The following MGMT variants were observed in gnomAD, a reference collection of about 807,000 sequenced individuals.
MGMT encodes the protein methylated-DNA--protein-cysteine methyltransferase.
In MGMT, 14 loss-of-function variants were observed where a neutral mutation model predicts 15.9. The observed-to-expected ratio is 0.88, with a 90% CI of 0.58 to 1.37. MGMT has a LOEUF of 1.37. Ranked by LOEUF, MGMT falls within the 40% of genes most tolerant of loss-of-function variation. The probability of loss-of-function intolerance (pLI) is 0.00; values close to 1 mark genes in which losing one functional copy is unlikely to be tolerated. For missense variants in MGMT, 282 were observed against 268.1 expected, an observed-to-expected ratio of 1.05 and a Z score of -0.36; for synonymous variants, 130 against 118.2, an observed-to-expected ratio of 1.10 and a Z score of -0.65.
At chr10:129,543,797 C>T (rs1846070330) in intron 2 of MGMT, among the ~76,000 whole-genome samples, 1 of 152,184 alleles carries the variant, frequency 6.6e-6, no homozygotes, top group Admixed American at 6.5e-5. Context: ...CAGAAGCAAA[C>T]TTGTTCATTT....
chr10:129,558,917 G>T (rs1005183140), intron 2 of MGMT, among the ~76,000 whole-genome samples: 3 of 152,164 alleles, frequency 2.0e-5, no homozygotes, highest in South Asian at 2.1e-4. Context: ...CGCCGGGCTG[G>T]TCTGTTCTGC....
intron 2 of MGMT, among the ~76,000 whole-genome samples, chr10:129,651,411 GAAA>G (rs562204201): frequency 6.9e-6 from 1 of 145,796 alleles, no homozygotes; most frequent in African/African-American, 2.5e-5. Context: ...TTTTTTTTAA[GAAA>G]AAAAAAAGCA....
intron 2 of MGMT, among the ~76,000 whole-genome samples, chr10:129,540,498 TG>T (rs1194178855): frequency 3.3e-5 from 5 of 152,232 alleles, no homozygotes; most frequent in Non-Finnish European, 7.3e-5. Context: ...CTCCCCATGT[TG>T]GGTTTCAGAG....
intron 2 of MGMT, among the ~76,000 whole-genome samples, chr10:129,633,398 C>T (rs191826267): frequency 7.9e-4 from 121 of 152,272 alleles, no homozygotes; most frequent in African/African-American, 2.7e-3. Flanking sequence ...TGCTAAAGAG[C>T]AGGCACATTA....
chr10:129,606,731 C>T (rs1452516941), intron 2 of MGMT, among the ~76,000 whole-genome samples: 1 of 152,130 alleles, frequency 6.6e-6, no homozygotes, highest in Admixed American at 6.5e-5. Context: ...ACTAATTACA[C>T]AGAATCTTTC....
At chr10:129,649,212 TGAGTTTTTGCAGC>T (rs1326128111) in intron 2 of MGMT, among the ~76,000 whole-genome samples, 4 of 152,186 alleles carry the variant, frequency 2.6e-5, no homozygotes, top group Non-Finnish European at 4.4e-5. Flanking sequence ...GTTATCTGTT[TGAGTTTTTGCAGC>T]CAGGTCATCT....
chr10:129,766,872 T>C lies in MGMT; in HGVS notation c.499T>C (p.Trp167Arg). ...CTCCGGAGGACTGGCCGTGAAGGAATGGCTTCTGGCCCATGAAGGCCACCG... is the reference window on the plus strand; with the variant it reads ...CTCCGGAGGACTGGCCGTGAAGGAACGGCTTCTGGCCCATGAAGGCCACCG... The part of the protein sequence containing the change: ...NYSGGLAVKE[W>R]LLAHEGHRLG... Residue 167 changes from tryptophan to arginine, a missense_variant, in exon 5 of 5, where the codon TGG becomes CGG. Transcript: ENST00000651593. The C allele has an allele frequency of 6.2e-7, 1 of 1,613,702 alleles. No homozygotes were observed.
intron 3 of MGMT, among the ~76,000 whole-genome samples, chr10:129,728,142 G>A (rs1030541794): frequency 6.6e-6 from 1 of 152,204 alleles, no homozygotes; most frequent in African/African-American, 2.4e-5. Flanking sequence ...AGGGGACATG[G>A]AGCCAGCACC....
chr10:129,756,119 C>T (rs576000937), intron 3 of MGMT, among the ~76,000 whole-genome samples: 3 of 152,348 alleles, frequency 2.0e-5, no homozygotes, highest in Non-Finnish European at 2.9e-5. Context: ...ATGCACAATG[C>T]AGGCAGAGGG....
At chr10:129,561,906 G>A (rs928803906) in intron 2 of MGMT, among the ~76,000 whole-genome samples, 27 of 152,174 alleles carry the variant, frequency 1.8e-4, no homozygotes, top group African/African-American at 6.5e-4. Context: ...TACTTCATTA[G>A]CCACGTCGTT....
chr10:129,766,510 C>T (rs995018970), intron 4 of MGMT, among the ~76,000 whole-genome samples: 2 of 152,228 alleles, frequency 1.3e-5, no homozygotes, highest in African/African-American at 2.4e-5. Flanking sequence ...CCTCCCAAAT[C>T]GTGGGCCTAA....
chr10:129,670,696 G>T (rs1847711195), intron 2 of MGMT, among the ~76,000 whole-genome samples: 1 of 152,136 alleles, frequency 6.6e-6, no homozygotes, highest in Admixed American at 6.5e-5. Flanking sequence ...GACATTAAAA[G>T]ATTATGAAGG....
chr10:129,658,472 T>C (rs1847557542), intron 2 of MGMT, among the ~76,000 whole-genome samples: 1 of 152,222 alleles, frequency 6.6e-6, no homozygotes, highest in Non-Finnish European at 1.5e-5. Context: ...TATTTGATTC[T>C]AATTCAGTAG....
chr10:129,595,446 C>T (rs772504177), intron 2 of MGMT, among the ~76,000 whole-genome samples: 11 of 152,176 alleles, frequency 7.2e-5, no homozygotes, highest in Non-Finnish European at 1.6e-4. Context: ...CCTGAGCTTT[C>T]GTGGTGTCCA....
chr10:129,467,415 C>G (rs1279077821), intron 1 of MGMT, 119 bp downstream of exon 1: 2 of 1,363,798 alleles, frequency 1.5e-6, no homozygotes, highest in East Asian at 6.1e-5. Context: ...GCCGCCCTGA[C>G]CCCCACCCAT....
rs560558618 is a variant in MGMT at position 129,685,414 on chromosome 10, T to G, written c.126-22481T>G. Reference sequence around the variant, plus strand: ...GAATCTGGAAGGGGCTAGTCCTGTCTTCCCCTCCCTGTCTAGTGCCTTTAA... The same window carrying G: ...GAATCTGGAAGGGGCTAGTCCTGTCGTCCCCTCCCTGTCTAGTGCCTTTAA... On this transcript the variant is annotated intron_variant, in intron 2 of 4. Coordinates refer to ENST00000651593, the MANE Select transcript of MGMT (RefSeq NM_002412.5). Among the ~76,000 whole-genome samples, 24 of 152,322 alleles carry G rather than the reference T, an allele frequency of 1.6e-4. No individual in the cohort carries two copies. The South Asian group carries it at 5.0e-3, about 32-fold the overall frequency.
chr10:129,692,245 CAG>C (rs1178168149), intron 2 of MGMT, among the ~76,000 whole-genome samples: 1 of 152,112 alleles, frequency 6.6e-6, no homozygotes, highest in Admixed American at 6.5e-5. Flanking sequence ...GGAGGACCAG[CAG>C]AGAGTGGTCA....
intron 2 of MGMT, among the ~76,000 whole-genome samples, chr10:129,689,376 G>A (rs938360582): frequency 1.8e-4 from 27 of 152,196 alleles, no homozygotes; most frequent in African/African-American, 6.0e-4. Context: ...ACCCAACAGA[G>A]CTCCAGCTTC....
intron 2 of MGMT, among the ~76,000 whole-genome samples, chr10:129,655,314 G>A (rs552045717): frequency 2.0e-5 from 3 of 152,306 alleles, no homozygotes; most frequent in Admixed American, 6.5e-5. Context: ...CCGAGCATGC[G>A]GAGAAGTGGT....
Sources: gnomAD v4.1 joint callset for allele counts (sites outside exome capture counted in the v4.1 genomes callset) on GRCh38, gnomAD v4.1.1 for gene constraint, MANE v1.5 for transcripts, NCBI Gene and HGNC (gene_info 2026-07-23, HGNC 2026-07-21) for gene names.